Variants in PLD1 observed in about 807,000 individuals in gnomAD.
PLD1 encodes phospholipase D1, also known as choline phosphatase 1.
PLD1 carries 112 observed loss-of-function variants against 137.1 expected under a neutral mutation model. The observed-to-expected ratio is 0.82, with a 90% CI of 0.70 to 0.96. The LOEUF (loss-of-function observed/expected upper bound fraction) is 0.96. PLD1 is among the 40% of genes least tolerant of loss of function. The pLI is 0.00. For synonymous variants in PLD1, 431 were observed against 454.7 expected (o/e 0.95, Z 0.66); for missense variants, 1,321 against 1,342.0 (o/e 0.98, Z 0.24).
chr3:171,739,618 T>C (rs934382542), intron 1 of PLD1, among the ~76,000 whole-genome samples: 1 of 152,248 alleles, frequency 6.6e-6, no homozygotes, highest in African/African-American at 2.4e-5. Context: ...CTGGTGATAA[T>C]TGTTTACATA....
intron 1 of PLD1, among the ~76,000 whole-genome samples, chr3:171,744,763 A>T (rs946608263): frequency 6.6e-6 from 1 of 152,256 alleles, no homozygotes; most frequent in Non-Finnish European, 1.5e-5. Flanking sequence ...GCCATTAGCT[A>T]ATCTCAACTA....
In PLD1 at chr3:171,734,937, C is replaced by T; in HGVS notation, c.468G>A (p.Glu156=). The T allele has an allele frequency of 6.2e-7, 1 of 1,613,224 alleles. No homozygotes were observed. Among genetic ancestry groups the T allele is most frequent in the Non-Finnish European group, 8.5e-7 (1 of 1,179,240 alleles). Residue 156 remains glutamate, a synonymous_variant, in exon 5 of 27, where the codon GAG becomes GAA. Coordinates refer to ENST00000351298, the MANE Select transcript of PLD1 (RefSeq NM_002662.5). ...GGGGCAAACTGGGCATCTCTCGAGG[C>T]TCCTCTCTGACGTTTTGCCTCCTAA... is the stretch of plus-strand genomic sequence containing the variant. ...HTFRRQNVRE[E]PREMPSLPRS...
At chr3:171,652,726 G>A (rs550117781) in intron 21 of PLD1, among the ~76,000 whole-genome samples, 48 of 148,948 alleles carry the variant, frequency 3.2e-4, no homozygotes, top group African/African-American at 9.6e-4. Context: ...TCAGCTTCCC[G>A]GATGGCTGGG....
chr3:171,717,824 T>G (rs1717787516), intron 8 of PLD1, among the ~76,000 whole-genome samples: 1 of 152,212 alleles, frequency 6.6e-6, no homozygotes, highest in Admixed American at 6.5e-5. Flanking sequence ...GGGGAATACT[T>G]CCAGCTCTTG....
intron 1 of PLD1, among the ~76,000 whole-genome samples, chr3:171,761,775 T>C (rs1404426215): frequency 2.6e-5 from 4 of 152,320 alleles, no homozygotes; most frequent in African/African-American, 9.6e-5. Context: ...AATTAATCCA[T>C]TTAAGATGTG....
At chr3:171,634,776 A>G (rs1006854556) in intron 23 of PLD1, among the ~76,000 whole-genome samples, 1 of 152,174 alleles carries the variant, frequency 6.6e-6, no homozygotes, top group Non-Finnish European at 1.5e-5. Flanking sequence ...TACAATTTAT[A>G]AATTTTATAC....
At chr3:171,759,532 G>A (rs1336331681) in intron 1 of PLD1, among the ~76,000 whole-genome samples, 5 of 152,176 alleles carry the variant, frequency 3.3e-5, no homozygotes, top group African/African-American at 9.7e-5. Flanking sequence ...TAGCGGGTAA[G>A]TAGGTAGTAG....
intron 13 of PLD1, 152 bp from the exon 14 acceptor site, chr3:171,689,028 A>G (rs1340498932): frequency 1.6e-6 from 1 of 618,990 alleles, no homozygotes; most frequent in African/African-American, 1.9e-5. Flanking sequence ...TTTTATTCTC[A>G]GCATTTAGCA....
At chr3:171,787,032 TC>T (rs1397746615) in intron 1 of PLD1, among the ~76,000 whole-genome samples, 1 of 152,214 alleles carries the variant, frequency 6.6e-6, no homozygotes, top group Non-Finnish European at 1.5e-5. Flanking sequence ...AGCCAGCCAT[TC>T]ATTAAACAAA....
intron 26 of PLD1, among the ~76,000 whole-genome samples, chr3:171,603,782 T>A (rs1295276370): frequency 6.6e-6 from 1 of 152,196 alleles, no homozygotes; most frequent in Non-Finnish European, 1.5e-5. Context: ...TCTCTGCAGG[T>A]ATGTCTTAAG....
chr3:171,725,068 T>C (rs1718405027), intron 7 of PLD1, among the ~76,000 whole-genome samples: 1 of 152,224 alleles, frequency 6.6e-6, no homozygotes, highest in Admixed American at 6.5e-5. Context: ...CTCCTGGCTC[T>C]AAATGTTGAG....
chr3:171,737,822 T>C, intron 2 of PLD1, 70 bp downstream of exon 2: 1 of 1,515,788 alleles, frequency 6.6e-7, no homozygotes, highest in Admixed American at 2.1e-5. Flanking sequence ...TGCTGGTTAC[T>C]TCAAATTTGT....
intron 1 of PLD1, among the ~76,000 whole-genome samples, chr3:171,748,300 T>A (rs1720405470): frequency 6.6e-6 from 1 of 152,168 alleles, no homozygotes. Context: ...AAAGGGAAAA[T>A]TCTTCTTTAT....
intron 25 of PLD1, among the ~76,000 whole-genome samples, chr3:171,606,822 T>G (rs1732243481): frequency 6.6e-6 from 1 of 152,220 alleles, no homozygotes; most frequent in African/African-American, 2.4e-5. Context: ...AGTGTTACAA[T>G]GAACACAGTT....
At chr3:171,699,094 A>G (rs1258546247) in intron 12 of PLD1, among the ~76,000 whole-genome samples, 1 of 152,132 alleles carries the variant, frequency 6.6e-6, no homozygotes, top group Non-Finnish European at 1.5e-5. Flanking sequence ...AACTGATTTA[A>G]TTTTAAGGGC....
At chr3:171,658,470 A>T (rs988690544) in intron 21 of PLD1, among the ~76,000 whole-genome samples, 4 of 152,226 alleles carry the variant, frequency 2.6e-5, no homozygotes, top group Non-Finnish European at 5.9e-5. Flanking sequence ...ATTATCTGGC[A>T]ATAAAAAGAA....
intron 9 of PLD1, among the ~76,000 whole-genome samples, chr3:171,711,634 G>A (rs999679620): frequency 2.0e-5 from 3 of 152,036 alleles, no homozygotes; most frequent in Admixed American, 2.0e-4. Flanking sequence ...GGAATGCCAG[G>A]AAGGGACTCT....
In PLD1 at chr3:171,602,715, GA is replaced by G. The variant is rs1164193960; in HGVS notation, c.*362del. 1.3e-5 allele frequency: 3 copies of G among 238,540 alleles called. No individual in the cohort carries two copies. Among genetic ancestry groups the G allele is most frequent in the African/African-American group, 6.8e-5 (3 of 43,970 alleles). 14.8% of individuals were successfully genotyped at this position (238,540 alleles called of 1,614,324 possible). On this transcript the variant is annotated 3_prime_UTR_variant, in exon 27 of 27. Transcript: ENST00000351298. ...ATTGGCTGCATAAATGAAGATCAGAGAAGAATAAGGAGATTCAGACAACTTT... is the reference window on the plus strand; with the variant it reads ...ATTGGCTGCATAAATGAAGATCAGAGAGAATAAGGAGATTCAGACAACTTT...
intron 1 of PLD1, among the ~76,000 whole-genome samples, chr3:171,775,206 T>G (rs540586304): frequency 5.3e-4 from 81 of 152,266 alleles, no homozygotes; most frequent in Non-Finnish European, 7.3e-5. Flanking sequence ...AAAGATATTT[T>G]CTTAGACATC....
Sources: allele counts gnomAD v4.1 joint callset (sites outside exome capture counted in the v4.1 genomes callset), GRCh38; gene constraint gnomAD v4.1.1; transcripts MANE v1.5; gene names NCBI Gene and HGNC (gene_info 2026-07-23, HGNC 2026-07-21).